The following PUF60 variants were observed in gnomAD, a reference collection of about 807,000 sequenced individuals.
The protein encoded by PUF60 is poly(U) binding splicing factor 60, also known as poly(U)-binding-splicing factor PUF60.
In PUF60, 10 loss-of-function variants were observed where a neutral mutation model predicts 61.8. The observed-to-expected ratio is 0.16, with a 90% CI of 0.10 to 0.27. The LOEUF is 0.27. PUF60 is among the 10% of genes least tolerant of loss of function. The probability of loss-of-function intolerance (pLI) is 1.00; values close to 1 mark genes in which losing one functional copy is unlikely to be tolerated. For missense variants in PUF60, 371 were observed against 754.0 expected (o/e 0.49, Z 5.95); for synonymous variants, 353 against 300.9 (o/e 1.17, Z -1.79).
chr8:143,817,198 A>T lies in PUF60; in HGVS notation c.1145-53T>A, dbSNP rs1020850339. 3 of 1,530,520 alleles carry T rather than the reference A, an allele frequency of 2.0e-6. No homozygotes were observed. The highest frequency in any genetic ancestry group is 1.8e-6 in the Non-Finnish European group (2 of 1,135,932). The allele number at this position is 1,530,520 out of a possible 1,614,324, so 94.8% of individuals were successfully genotyped here. On this transcript the variant is annotated intron_variant, in intron 10 of 11. Transcript: ENST00000526683. The surrounding 1 kb of genome is among the most constrained non-coding windows in gnomAD (Gnocchi z 7.4). ...GTCACTCCCTACCACCCCCCTTCCC[A>T]GAAAGGCACAGAGCTGGCCTGCCCT...
In PUF60 at chr8:143,818,635, G is replaced by A. The variant is rs1440286601; in HGVS notation, c.349-101C>T. On this transcript the variant is annotated intron_variant, in intron 5 of 11. Transcript: ENST00000526683. The surrounding 1 kb of genome is among the most constrained non-coding windows in gnomAD (Gnocchi z 7.9). ...GGCCCACCCACCCAGCCCTGCTGTG[G>A]GGAGGGCTCCCCACATGACAGGGAG... 2.3e-6 allele frequency: 3 copies of A among 1,303,810 alleles called. No individual in the cohort carries two copies. The highest frequency in any genetic ancestry group is 4.9e-5 in the Admixed American group (2 of 40,704). The allele number at this position is 1,303,810 out of a possible 1,614,324, so 80.8% of individuals were successfully genotyped here.
intron 3 of PUF60, 47 bp from the exon 4 acceptor site, chr8:143,821,733 G>T: frequency 6.5e-7 from 1 of 1,545,354 alleles, no homozygotes. Context: ...GCCCATGGGA[G>T]ACAGGCCTGC....
intron 1 of PUF60, 183 bp downstream of exon 1, chr8:143,829,097 G>A: frequency 1.8e-6 from 2 of 1,118,304 alleles, no homozygotes; most frequent in Non-Finnish European, 1.1e-6. Context: ...AGCTGAGGCC[G>A]CGAGCCGGCC....
At chr8:143,823,610 G>T (rs1349326248) in intron 2 of PUF60, among the ~76,000 whole-genome samples, 1 of 152,208 alleles carries the variant, frequency 6.6e-6, no homozygotes, top group African/African-American at 2.4e-5. Context: ...TGTGCCTGGG[G>T]GACCAAGAGG....
rs764579099 is a variant in PUF60 at position 143,821,845 on chromosome 8, C to T, written c.180G>A (p.Thr60=). The T allele has an allele frequency of 3.1e-6, 5 of 1,610,950 alleles. No homozygotes were observed. The highest frequency in any genetic ancestry group is 2.2e-5 in the East Asian group (1 of 44,860). The change falls in exon 3 of 12, where the codon ACG becomes ACA. Residue 60 remains threonine, a synonymous_variant. Transcript: ENST00000526683. ...TCTGAAGGGCCTCCTGCTGCTCGGG[C>T]GTCAGGGGAGGCAGCCCCAGCTTGG... is the stretch of plus-strand genomic sequence containing the variant. ...TAAKLGLPPL[T]PEQQEALQKA... is the part of the protein sequence containing the mutation.
intron 2 of PUF60, chr8:143,822,687 C>T: frequency 2.4e-6 from 1 of 414,816 alleles, no homozygotes; most frequent in Non-Finnish European, 4.9e-6. Context: ...CTGATGCCAA[C>T]CAGGATTATG....
intron 5 of PUF60, among the ~76,000 whole-genome samples, chr8:143,819,329 G>A (rs1816748034): frequency 6.6e-6 from 1 of 152,108 alleles, no homozygotes. Flanking sequence ...TGCGCTGAGG[G>A]ACCTCCCCAC....
Position 143,824,442 on chromosome 8 carries a change from C to T in PUF60, c.25-43G>A, listed in dbSNP as rs778482111. On this transcript the variant is annotated intron_variant, in intron 1 of 11. Transcript: ENST00000526683. ...ATGTTGTAACGACAGGCACACCACC[C>T]CACCGCCCAGGCCTGCTCTCCTCCC... 5.0e-6 allele frequency: 8 copies of T among 1,590,474 alleles called. No homozygotes were observed. The African/African-American group carries it at 9.4e-5, about 19-fold the overall frequency.
chr8:143,816,556 G>A lies in PUF60; in HGVS notation c.1644C>T (p.Asp548=), dbSNP rs751932452. ...GGTCACTGTTATCAAAACGCTCCTG[G>A]TCGTACACTTCAGCCACCACCTTGC... The part of the protein sequence containing the change: ...AGRKVVAEVY[D]QERFDNSDLS... The change falls in exon 12 of 12, where the codon GAC becomes GAT. Residue 548 remains aspartate (D), a synonymous_variant. Transcript: ENST00000526683. 3.2e-5 allele frequency: 52 copies of A among 1,613,252 alleles called. No homozygotes were observed. The highest frequency in any genetic ancestry group is 4.4e-5 in the Non-Finnish European group (52 of 1,179,800).
rs777898307 is a variant in PUF60 at position 143,817,555 on chromosome 8, C to T, written c.1008+37G>A. 2.5e-5 allele frequency: 40 copies of T among 1,608,644 alleles called. No homozygotes were observed. Among genetic ancestry groups the T allele is most frequent in the South Asian group, 2.2e-4 (20 of 90,966 alleles). ...GTCTCCAAGGAATCAGGGGCCAGCC[C>T]GCCCACCCTCAAGCCGACAGCTGTG... is the stretch of plus-strand genomic sequence containing the variant. On this transcript the variant is annotated intron_variant, in intron 9 of 11. Transcript: ENST00000526683. This position sits in a 1 kb window ranked among gnomAD's most constrained non-coding sequence, Gnocchi z 7.4.
Position 143,816,516 on chromosome 8 carries a change from A to G in PUF60, c.*4T>C, listed in dbSNP as rs753451679. On this transcript the variant is annotated 3_prime_UTR_variant, in exon 12 of 12. Transcript: ENST00000526683. ...AAGTGCAAGTCCGGGGAGAGGGACC[A>G]CTGTCACGCAGAGAGGTCACTGTTA... 10 of 1,602,232 alleles carry G rather than the reference A, an allele frequency of 6.2e-6. No homozygotes were observed. In the South Asian group the frequency reaches 7.8e-5, roughly 12 times the overall value.
chr8:143,821,865 G>C lies in PUF60; in HGVS notation c.160C>G (p.Leu54Val), dbSNP rs781123909. ...MENGQSTAAKLGLPPLTPEQQ... is the reference protein window; with the variant it reads ...MENGQSTAAKVGLPPLTPEQQ... ...TCGGGCGTCAGGGGAGGCAGCCCCA[G>C]CTTGGCGGCTGTGCTCTGCCCGTTC... Residue 54 changes from leucine to valine, a missense_variant, in exon 3 of 12, where the codon CTG becomes GTG. By Grantham distance (32) the Leu-to-Val change is conservative. Around this residue, in one of 13 missense-constraint regions of PUF60, gnomAD observed 16 missense variants for 26.9 expected, o/e 0.60. Coordinates refer to ENST00000526683, the MANE Select transcript of PUF60 (RefSeq NM_078480.3). 6.2e-7 allele frequency: 1 copy of C among 1,610,382 alleles called. No homozygotes were observed. The highest frequency in any genetic ancestry group is 8.5e-7 in the Non-Finnish European group (1 of 1,179,344).
chr8:143,816,841 AAGAC>A, intron 11 of PUF60, 22 bp from the exon 12 acceptor site: 3 of 1,607,996 alleles, frequency 1.9e-6, no homozygotes, highest in Non-Finnish European at 2.5e-6. Context: ...GGCCGAGGGG[AAGAC>A]AGCTGAGCAC....
intron 1 of PUF60, chr8:143,827,640 G>A (rs963554299): frequency 2.8e-6 from 1 of 353,112 alleles, no homozygotes; most frequent in Admixed American, 3.9e-5. Flanking sequence ...ATGATTAAAA[G>A]AGGAATGGGT....
chr8:143,820,499 G>T, intron 5 of PUF60, 167 bp downstream of exon 5: 3 of 761,132 alleles, frequency 3.9e-6, no homozygotes, highest in South Asian at 3.3e-5. Flanking sequence ...TCCCGGGTGG[G>T]TGCCCACACC....
At position 143,818,643 on chromosome 8, in the gene PUF60, TC is replaced by T; in HGVS notation, c.349-110del. ...CACCCAGCCCTGCTGTGGGGAGGGC[TC>T]CCCACATGACAGGGAGGTGCGGGCT... On this transcript the variant is annotated intron_variant, in intron 5 of 11. Coordinates refer to ENST00000526683, the MANE Select transcript of PUF60 (RefSeq NM_078480.3). This position sits in a 1 kb window ranked among gnomAD's most constrained non-coding sequence, Gnocchi z 7.9. The T allele has an allele frequency of 1.7e-6, 2 of 1,208,338 alleles. No homozygotes were observed. The highest frequency in any genetic ancestry group is 2.3e-6 in the Non-Finnish European group (2 of 885,540). The allele number at this position is 1,208,338 out of a possible 1,614,324, so 74.9% of individuals were successfully genotyped here.
chr8:143,818,633 T>G lies in PUF60; in HGVS notation c.349-99A>C. On this transcript the variant is annotated intron_variant, in intron 5 of 11. Coordinates refer to ENST00000526683, the MANE Select transcript of PUF60 (RefSeq NM_078480.3). This position sits in a 1 kb window ranked among gnomAD's most constrained non-coding sequence, Gnocchi z 7.9. ...CTGGCCCACCCACCCAGCCCTGCTG[T>G]GGGGAGGGCTCCCCACATGACAGGG... 1 of 1,303,542 alleles carries G rather than the reference T, an allele frequency of 7.7e-7. No homozygotes were observed. Among genetic ancestry groups the G allele is most frequent in the South Asian group, 1.5e-5 (1 of 68,820 alleles). 80.7% of individuals were successfully genotyped at this position (1,303,542 alleles called of 1,614,324 possible).
rs1442444153 is a variant in PUF60, at chr8:143,821,699, G to A, written c.208-13C>T. 1.3e-6 allele frequency: 2 copies of A among 1,548,046 alleles called. No individual in the cohort carries two copies. Among genetic ancestry groups the A allele is most frequent in the African/African-American group, 1.4e-5 (1 of 73,238 alleles). On this transcript the variant is annotated splice_polypyrimidine_tract_variant and intron_variant, in intron 3 of 11. Transcript: ENST00000526683. ...CGTACTTCTTGGCCTGAGAGAGGCG[G>A]CAGTGAGGAGCACTGGGGGCCCAGC...
chr8:143,817,460 C>G lies in PUF60; in HGVS notation c.1015G>C (p.Val339Leu), dbSNP rs1328253334. The stretch of plus-strand genomic sequence containing the variant: ...GTACCCAGCACCGCTGCTCCGGCCA[C>G]TGCTTCCTGCAACCCAAAAGGTCAC... ...ATAKITAQEAVAGAAVLGTLG... is the reference protein window; with the variant it reads ...ATAKITAQEALAGAAVLGTLG... Residue 339 changes from valine to leucine, a missense_variant, in exon 10 of 12, where the codon GTG (valine) becomes CTG (leucine). Transcript: ENST00000526683. The surrounding 1 kb of genome is among the most constrained non-coding windows in gnomAD (Gnocchi z 7.4). 6.2e-7 allele frequency: 1 copy of G among 1,609,602 alleles called. No homozygotes were observed. Among genetic ancestry groups the G allele is most frequent in the South Asian group, 1.1e-5 (1 of 90,552 alleles).
Sources: gnomAD v4.1 joint callset for allele counts (sites outside exome capture counted in the v4.1 genomes callset) on GRCh38, gnomAD v4.1.1 for gene constraint, gnomAD v4.1.1 regional missense constraint, Gnocchi (gnomAD v3.1) non-coding constraint, MANE v1.5 for transcripts, NCBI Gene and HGNC (gene_info 2026-07-23, HGNC 2026-07-21) for gene names.